The following SEMA6D variants were observed in gnomAD, a reference collection of about 807,000 sequenced individuals.
SEMA6D encodes semaphorin-6D.
A neutral mutation model predicts 106.6 loss-of-function variants in SEMA6D; 35 were observed. The observed-to-expected ratio is 0.33, with a 90% CI of 0.25 to 0.44. The LOEUF is 0.44. Ranked by LOEUF, SEMA6D falls within the 20% of genes least tolerant of loss-of-function variation. The probability of loss-of-function intolerance (pLI) is 1.00; values close to 1 mark genes in which losing one functional copy is unlikely to be tolerated. For synonymous variants in SEMA6D, 499 were observed against 487.7 expected, an observed-to-expected ratio of 1.02 and a Z score of -0.31; for missense variants, 1,185 against 1,345.9, an observed-to-expected ratio of 0.88 and a Z score of 1.87.
intron 1 of SEMA6D, among the ~76,000 whole-genome samples, chr15:47,227,399 C>A (rs2031757584): frequency 7.1e-6 from 1 of 140,548 alleles, no homozygotes; most frequent in Non-Finnish European, 1.6e-5. Flanking sequence ...TTCTGTTCTA[C>A]CTTATGTCTT....
At chr15:47,552,406 A>C (rs946357873) in intron 3 of SEMA6D, among the ~76,000 whole-genome samples, 3 of 151,752 alleles carry the variant, frequency 2.0e-5, no homozygotes, top group African/African-American at 4.8e-5. Flanking sequence ...CTCTCAATGT[A>C]CTTTTTAGCA....
rs143042565 is a variant in SEMA6D, at chr15:47,457,616, C to G, written c.-158-12858C>G. ...AGACACTACATAAGAAAAGGTTAGT[C>G]AATTTGAAGATATTCCTTTAGAAAC... On this transcript the variant is annotated intron_variant, in intron 2 of 19. Coordinates refer to the SEMA6D transcript ENST00000558014. Among the ~76,000 whole-genome samples, 1,209 of 151,942 alleles carry G rather than the reference C, an allele frequency of 8.0e-3. 11 individuals are homozygous for G. Among genetic ancestry groups the G allele is most frequent in the African/African-American group, 0.027 (1,135 of 41,510 alleles).
intron 2 of SEMA6D, among the ~76,000 whole-genome samples, chr15:47,463,419 T>A (rs2042570436): frequency 6.6e-6 from 1 of 152,180 alleles, no homozygotes; most frequent in Non-Finnish European, 1.5e-5. Flanking sequence ...TGCATATATG[T>A]CTCCTTTAAA....
chr15:47,732,095 C>T (rs187837754), intron 1 of SEMA6D, among the ~76,000 whole-genome samples: 5 of 152,242 alleles, frequency 3.3e-5, no homozygotes, highest in African/African-American at 7.2e-5. Context: ...GGAAATTGAC[C>T]GTCACAGTTC....
chr15:47,216,132 C>G (rs2030573500), intron 1 of SEMA6D, among the ~76,000 whole-genome samples: 1 of 152,032 alleles, frequency 6.6e-6, no homozygotes, highest in Admixed American at 6.6e-5. Flanking sequence ...AAAAATACTA[C>G]TAGGATGATA....
chr15:47,394,650 A>G (rs554163224), intron 1 of SEMA6D, among the ~76,000 whole-genome samples: 2 of 152,322 alleles, frequency 1.3e-5, no homozygotes, highest in African/African-American at 4.8e-5. Context: ...TCACAGCAGG[A>G]TCACTACTGT....
At chr15:47,224,332 T>C (rs1555406728) in intron 1 of SEMA6D, among the ~76,000 whole-genome samples, 1 of 152,084 alleles carries the variant, frequency 6.6e-6, no homozygotes, top group Non-Finnish European at 1.5e-5. Context: ...GAATTGATTC[T>C]TTTTCTATCC....
At chr15:47,381,172 G>A (rs946301845) in intron 1 of SEMA6D, among the ~76,000 whole-genome samples, 1 of 152,210 alleles carries the variant, frequency 6.6e-6, no homozygotes, top group African/African-American at 2.4e-5. Context: ...CTTGGACTAT[G>A]TCTACATGGC....
chr15:47,422,985 A>T (rs1168691220), intron 2 of SEMA6D, among the ~76,000 whole-genome samples: 1 of 152,084 alleles, frequency 6.6e-6, no homozygotes, highest in East Asian at 1.9e-4. Flanking sequence ...AGTGAGGAGA[A>T]AAAAAGACCT....
At chr15:47,269,532 T>G (rs537697696) in intron 1 of SEMA6D, among the ~76,000 whole-genome samples, 1 of 152,160 alleles carries the variant, frequency 6.6e-6, no homozygotes, top group African/African-American at 2.4e-5. Flanking sequence ...CAAGAGGCTA[T>G]TTTTACTTTT....
intron 3 of SEMA6D, among the ~76,000 whole-genome samples, chr15:47,528,325 C>T (rs1432562281): frequency 6.6e-6 from 1 of 152,146 alleles, no homozygotes; most frequent in African/African-American, 2.4e-5. Flanking sequence ...AGATCTTGCT[C>T]ATCACTTCAT....
At chr15:47,314,564 C>T (rs2036570469) in intron 1 of SEMA6D, among the ~76,000 whole-genome samples, 1 of 116,350 alleles carries the variant, frequency 8.6e-6, no homozygotes, top group African/African-American at 2.9e-5. Flanking sequence ...CGCCACTGCA[C>T]TCCAGCCTGG....
chr15:47,374,179 T>C (rs2039371118), intron 1 of SEMA6D, among the ~76,000 whole-genome samples: 1 of 152,204 alleles, frequency 6.6e-6, no homozygotes, highest in African/African-American at 2.4e-5. Flanking sequence ...TTATCCATAA[T>C]AAATGGAAAG....
chr15:47,218,920 C>A (rs4259992), intron 1 of SEMA6D, among the ~76,000 whole-genome samples: 2 of 152,148 alleles, frequency 1.3e-5, no homozygotes, highest in African/African-American at 4.8e-5. Context: ...CCAAGTCATC[C>A]ATATGATGCC....
chr15:47,366,224 G>T (rs2039025590), intron 1 of SEMA6D, among the ~76,000 whole-genome samples: 2 of 152,294 alleles, frequency 1.3e-5, no homozygotes, highest in South Asian at 4.1e-4. Flanking sequence ...GTCCCTATTG[G>T]TAAATATCTT....
At chr15:47,461,667 A>T (rs947118438) in intron 2 of SEMA6D, among the ~76,000 whole-genome samples, 1 of 152,060 alleles carries the variant, frequency 6.6e-6, no homozygotes, top group Non-Finnish European at 1.5e-5. Flanking sequence ...TGGAAATTTA[A>T]TTGCTTTCTG....
chr15:47,434,306 G>T (rs529444823), intron 2 of SEMA6D, among the ~76,000 whole-genome samples: 1 of 152,120 alleles, frequency 6.6e-6, no homozygotes, highest in African/African-American at 2.4e-5. Flanking sequence ...GGAAAGAGGG[G>T]TTTAATCCTG....
intron 1 of SEMA6D, among the ~76,000 whole-genome samples, chr15:47,283,907 G>A (rs140151710): frequency 6.6e-6 from 1 of 152,262 alleles, no homozygotes; most frequent in African/African-American, 2.4e-5. Context: ...TACCTTACTC[G>A]GATAGGAAGT....
At chr15:47,538,599 G>C (rs945066128) in intron 3 of SEMA6D, among the ~76,000 whole-genome samples, 14 of 152,174 alleles carry the variant, frequency 9.2e-5, no homozygotes, top group African/African-American at 3.1e-4. Flanking sequence ...TGATTGGTGT[G>C]TGAGATAACC....
Sources: gnomAD v4.1 joint callset for allele counts (sites outside exome capture counted in the v4.1 genomes callset) on GRCh38, gnomAD v4.1.1 for gene constraint, MANE v1.5 for transcripts, NCBI Gene and HGNC (gene_info 2026-07-23, HGNC 2026-07-21) for gene names.